The following MYO1F variants were observed in gnomAD, a reference collection of about 807,000 sequenced individuals.
MYO1F encodes the protein myosin IF.
MYO1F carries 60 observed loss-of-function variants against 146.6 expected under a neutral mutation model. The observed-to-expected ratio is 0.41, with a 90% CI of 0.33 to 0.51. The LOEUF (loss-of-function observed/expected upper bound fraction) is 0.51, where lower values mean the gene tolerates loss of function less well. Among genes scored for constraint, MYO1F ranks in the 20% least tolerant of loss-of-function variants. The pLI is 0.25. For missense variants in MYO1F, 1,274 were observed against 1,534.3 expected (o/e 0.83, Z 2.83); for synonymous variants, 602 against 602.1 (o/e 1.00, Z 0.00).
intron 1 of MYO1F, among the ~76,000 whole-genome samples, chr19:8,564,147 A>G (rs958299832): frequency 5.9e-5 from 9 of 151,802 alleles, no homozygotes; most frequent in African/African-American, 1.7e-4. Flanking sequence ...TTGGGAGGCC[A>G]AGGTGGATGG....
chr19:8,524,100 C>T (rs1335771586), intron 25 of MYO1F, among the ~76,000 whole-genome samples: 1 of 96,050 alleles, frequency 1.0e-5, no homozygotes, highest in Non-Finnish European at 1.9e-5. Context: ...GCCTGGGCAA[C>T]AGAGCAAGAC....
rs192805660 is a variant in MYO1F at position 8,530,538 on chromosome 19, G to A, written c.2079C>T (p.Phe693=). 4.6e-5 allele frequency: 75 copies of A among 1,613,190 alleles called. No homozygotes were observed. Among genetic ancestry groups the A allele is most frequent in the Middle Eastern group, 1.6e-4 (1 of 6,062 alleles). ...FLLEEVRERK[F]DGFARTIQKA... is the part of the protein sequence containing the mutation. ...TCTGGATGGTTCGGGCAAAGCCATC[G>A]AACTTTCGCTCTCGCACCTCCTCCA... The change falls in exon 20 of 28, where the codon TTC becomes TTT. Residue 693 remains phenylalanine, a synonymous_variant. Coordinates refer to ENST00000644032, the MANE Select transcript of MYO1F (RefSeq NM_012335.4). This position sits in a 1 kb window ranked among gnomAD's most constrained non-coding sequence, Gnocchi z 5.8.
At chr19:8,543,675 CTGG>C (rs1191447239) in intron 14 of MYO1F, among the ~76,000 whole-genome samples, 541 of 36,156 alleles carry the variant, frequency 0.015, 46 homozygotes, top group African/African-American at 0.051. Flanking sequence ...GGTGGTGGTG[CTGG>C]TGGTGGTGGT....
At chr19:8,558,210 C>T (rs908219552) in intron 1 of MYO1F, among the ~76,000 whole-genome samples, 20 of 152,152 alleles carry the variant, frequency 1.3e-4, no homozygotes, top group African/African-American at 4.8e-4. Flanking sequence ...GTCACCCAGG[C>T]TGGAGTGCAG....
chr19:8,523,100 C>T (rs538419341), intron 25 of MYO1F, among the ~76,000 whole-genome samples: 255 of 150,544 alleles, frequency 1.7e-3, no homozygotes, highest in South Asian at 3.8e-3. Context: ...GGCGCGATCT[C>T]GGCTCACTGC....
intron 14 of MYO1F, among the ~76,000 whole-genome samples, chr19:8,543,274 T>A (rs1476850344): frequency 6.6e-6 from 1 of 152,182 alleles, no homozygotes; most frequent in Non-Finnish European, 1.5e-5. Flanking sequence ...GATCACTGCC[T>A]GAGAGTGTAG....
chr19:8,541,745 A>G (rs1972981970), intron 15 of MYO1F, 161 bp downstream of exon 15: 3 of 712,138 alleles, frequency 4.2e-6, no homozygotes, highest in Admixed American at 2.1e-5. Context: ...GTTACTTTTT[A>G]CATCAGAACT....
intron 1 of MYO1F, chr19:8,576,830 A>C: frequency 9.8e-6 from 2 of 204,862 alleles, no homozygotes; most frequent in Non-Finnish European, 1.0e-5. Flanking sequence ...GACCTTGAGA[A>C]TGTTGCAACT....
rs112090287 is a variant in MYO1F, at chr19:8,550,784, C to T, written c.772-90G>A. ...GGCTTGAGGGACCACAGCACGGACT[C>T]AGGGAGTGAGCACCCTTGGGTCCCT... is the stretch of plus-strand genomic sequence containing the variant. On this transcript the variant is annotated intron_variant, in intron 8 of 27. Coordinates refer to ENST00000644032, the MANE Select transcript of MYO1F (RefSeq NM_012335.4). 5,900 of 1,581,248 alleles carry T rather than the reference C, an allele frequency of 3.7e-3. 207 individuals are homozygous for T. In the African/African-American group the frequency reaches 0.071, roughly 19 times the overall value.
rs1555734015 is a variant in MYO1F at position 8,577,258 on chromosome 19, TG to T, written c.3+48del. 6.2e-7 allele frequency: 1 copy of T among 1,608,154 alleles called. No individual in the cohort carries two copies. On this transcript the variant is annotated intron_variant, in intron 1 of 27. Transcript: ENST00000644032. This position sits in a 1 kb window ranked among gnomAD's most constrained non-coding sequence, Gnocchi z 4.3. Reference sequence around the variant, plus strand: ...CATTTTTAGGACACCTCCACCTGGCTGGTGTCCCTCCTCTTTCTTCTTCCAG... The same window carrying T: ...CATTTTTAGGACACCTCCACCTGGCTGTGTCCCTCCTCTTTCTTCTTCCAG...
intron 12 of MYO1F, 180 bp downstream of exon 12, chr19:8,547,856 C>A: frequency 1.6e-6 from 1 of 628,796 alleles, no homozygotes; most frequent in Non-Finnish European, 2.8e-6. Context: ...GAGGCACGGT[C>A]CTTCCCAAAG....
At chr19:8,569,631 C>T (rs889078001) in intron 1 of MYO1F, among the ~76,000 whole-genome samples, 8 of 152,112 alleles carry the variant, frequency 5.3e-5, no homozygotes, top group Non-Finnish European at 1.2e-4. Context: ...AGTGGTGTCT[C>T]AGTTGCCCAG....
At chr19:8,557,321 G>T (rs930612026) in intron 1 of MYO1F, among the ~76,000 whole-genome samples, 3 of 152,068 alleles carry the variant, frequency 2.0e-5, no homozygotes, top group East Asian at 1.9e-4. Flanking sequence ...TTTTGAGACA[G>T]GGTCTCACTC....
Position 8,521,208 on chromosome 19 carries a change from G to A in MYO1F, c.*320C>T. On this transcript the variant is annotated 3_prime_UTR_variant, in exon 28 of 28. Coordinates refer to ENST00000644032, the MANE Select transcript of MYO1F (RefSeq NM_012335.4). ...CCTCCCCAACTGTGCCTGGCACTTT[G>A]CCAACAGCACAGGACTCAAGACCCA... 2.4e-6 allele frequency: 1 copy of A among 417,996 alleles called. No individual in the cohort carries two copies. The highest frequency in any genetic ancestry group is 4.5e-6 in the Non-Finnish European group (1 of 221,740). The allele number at this position is 417,996 out of a possible 1,614,324, so 25.9% of individuals were successfully genotyped here.
chr19:8,574,757 C>A (rs2042204678), intron 1 of MYO1F, among the ~76,000 whole-genome samples: 1 of 134,354 alleles, frequency 7.4e-6, no homozygotes, highest in Non-Finnish European at 1.6e-5. Context: ...CTTTCTCTCT[C>A]TCTTTCTTTT....
At chr19:8,542,941 T>C (rs2145877348) in intron 14 of MYO1F, among the ~76,000 whole-genome samples, 1 of 151,026 alleles carries the variant, frequency 6.6e-6, no homozygotes, top group South Asian at 2.1e-4. Flanking sequence ...TCTTGCTCTG[T>C]TGCTCAGGCT....
chr19:8,539,710 A>G (rs181343658), intron 16 of MYO1F, among the ~76,000 whole-genome samples: 6 of 152,336 alleles, frequency 3.9e-5, no homozygotes, highest in Admixed American at 3.3e-4. Context: ...TATTAGAATA[A>G]TGGTCTACTT....
At chr19:8,526,113 G>C (rs1269014396) in intron 24 of MYO1F, among the ~76,000 whole-genome samples, 1 of 152,200 alleles carries the variant, frequency 6.6e-6, no homozygotes, top group African/African-American at 2.4e-5. Context: ...TGGAGCATGA[G>C]GTAATGAGTT....
rs368071444 is a variant in MYO1F, at chr19:8,572,606, CT to C, written c.3+4700del. Among the ~76,000 whole-genome samples, 52 of 152,218 alleles carry C rather than the reference CT, an allele frequency of 3.4e-4. No individual in the cohort carries two copies. In the South Asian group the frequency reaches 0.011, roughly 32 times the overall value. Reference sequence around the variant, plus strand: ...TTAACTGATTCTTTCTCCTAAATTCCTTTTGACTCCCAGCCTTTCCTGTCCA... The same window carrying C: ...TTAACTGATTCTTTCTCCTAAATTCCTTTGACTCCCAGCCTTTCCTGTCCA... On this transcript the variant is annotated intron_variant, in intron 1 of 27. Coordinates refer to ENST00000644032, the MANE Select transcript of MYO1F (RefSeq NM_012335.4).
Sources: gnomAD v4.1 joint callset for allele counts (sites outside exome capture counted in the v4.1 genomes callset) on GRCh38, gnomAD v4.1.1 for gene constraint, Gnocchi (gnomAD v3.1) non-coding constraint, MANE v1.5 for transcripts, NCBI Gene and HGNC (gene_info 2026-07-23, HGNC 2026-07-21) for gene names.